The following SYT16 variants were observed in gnomAD, a reference collection of about 807,000 sequenced individuals.
SYT16 encodes synaptotagmin-16.
In SYT16, 42 loss-of-function variants were observed where a neutral mutation model predicts 61.4. That is an observed-to-expected ratio of 0.68 (90% CI 0.53 to 0.89). The LOEUF (loss-of-function observed/expected upper bound fraction) is 0.89. Among genes scored for constraint, SYT16 ranks in the 40% least tolerant of loss-of-function variants. The pLI is 0.00. For missense variants in SYT16, 804 were observed against 807.3 expected, an observed-to-expected ratio of 1.00 and a Z score of 0.05; for synonymous variants, 314 against 302.3, an observed-to-expected ratio of 1.04 and a Z score of -0.40.
intron 3 of SYT16, among the ~76,000 whole-genome samples, chr14:61,999,527 A>G (rs1400345629): frequency 6.6e-6 from 1 of 151,614 alleles, no homozygotes; most frequent in Non-Finnish European, 1.5e-5. Context: ...TTATTTGTCT[A>G]TCCACCTACC....
intron 1 of SYT16, among the ~76,000 whole-genome samples, chr14:61,817,857 T>C (rs1242517513): frequency 1.3e-5 from 2 of 152,212 alleles, no homozygotes; most frequent in African/African-American, 2.4e-5. Flanking sequence ...AAAAAGGATA[T>C]ATGCATGTAT....
rs1309600379 is a variant in SYT16 at position 61,823,384 on chromosome 14, T to C, written c.-325+10574T>C. Among the ~76,000 whole-genome samples, 6 of 151,928 alleles carry C rather than the reference T, an allele frequency of 3.9e-5. No homozygotes were observed. The South Asian group carries it at 1.2e-3, about 32-fold the overall frequency. On this transcript the variant is annotated intron_variant, in intron 1 of 7. Coordinates refer to ENST00000683842, the MANE Select transcript of SYT16 (RefSeq NM_001367656.1). ...GTAAAGTTTTAATATGCTTATGTTG[T>C]ATACTCTTAATGATTTTATCCACTT...
At chr14:61,862,444 A>G (rs1428454323) in intron 1 of SYT16, among the ~76,000 whole-genome samples, 1 of 152,182 alleles carries the variant, frequency 6.6e-6, no homozygotes, top group African/African-American at 2.4e-5. Flanking sequence ...GTGTGCATCA[A>G]TGTTTATTCC....
chr14:62,084,150 T>C (rs950121963), intron 6 of SYT16, 46 bp from the exon 7 acceptor site: 1 of 1,576,406 alleles, frequency 6.3e-7, no homozygotes, highest in South Asian at 1.2e-5. Context: ...TAAAAGAGAG[T>C]AGTGCAGCGT....
chr14:62,094,360 A>G (rs2057192953), intron 7 of SYT16, among the ~76,000 whole-genome samples: 1 of 152,004 alleles, frequency 6.6e-6, no homozygotes, highest in Non-Finnish European at 1.5e-5. Context: ...TTCTTTCCCA[A>G]GCTTAACTTT....
Position 62,100,454 on chromosome 14 carries a change from C to A in SYT16, c.1685C>A (p.Thr562Lys). ...GGTCAAGAGATGTCCCGTTGCAAGA[C>A]GTCCATTCGGCGTGGTCAGCCCAAT... is the stretch of plus-strand genomic sequence containing the variant. Reference protein sequence around the residue: ...SVGQEMSRCKTSIRRGQPNPV... With the variant: ...SVGQEMSRCKKSIRRGQPNPV... The change falls in exon 8 of 8, where the codon ACG (threonine) becomes AAG (lysine). Residue 562 changes from threonine (T) to lysine (K), a missense_variant. Transcript: ENST00000683842. 1 of 1,613,310 alleles carries A rather than the reference C, an allele frequency of 6.2e-7. No individual in the cohort carries two copies. The highest frequency in any genetic ancestry group is 8.5e-7 in the Non-Finnish European group (1 of 1,179,622).
chr14:61,878,514 C>G (rs2047583015), intron 1 of SYT16, among the ~76,000 whole-genome samples: 2 of 152,180 alleles, frequency 1.3e-5, no homozygotes, highest in African/African-American at 4.8e-5. Context: ...GCCATGAAAT[C>G]AATCTCTGGG....
chr14:62,085,534 CA>C (rs1221795988), intron 7 of SYT16, among the ~76,000 whole-genome samples: 1 of 152,190 alleles, frequency 6.6e-6, no homozygotes, highest in Non-Finnish European at 1.5e-5. Flanking sequence ...CAGGTATCAG[CA>C]GCAGGTGAAG....
At chr14:61,943,664 CT>C (rs2050301467) in intron 1 of SYT16, among the ~76,000 whole-genome samples, 1 of 152,070 alleles carries the variant, frequency 6.6e-6, no homozygotes, top group Non-Finnish European at 1.5e-5. Flanking sequence ...CAGAAAAGGC[CT>C]TCAATAAAAT....
intron 1 of SYT16, among the ~76,000 whole-genome samples, chr14:61,953,073 C>G (rs1247237951): frequency 6.6e-6 from 1 of 152,110 alleles, no homozygotes; most frequent in African/African-American, 2.4e-5. Flanking sequence ...GTTCTAGAAG[C>G]ATCACATAGC....
At chr14:61,918,346 A>C (rs1206159293) in intron 1 of SYT16, among the ~76,000 whole-genome samples, 1 of 152,166 alleles carries the variant, frequency 6.6e-6, no homozygotes, top group Non-Finnish European at 1.5e-5. Context: ...CAGAGCATCC[A>C]TGGGGCTAGG....
At chr14:62,056,498 C>T (rs1413287516) in intron 3 of SYT16, among the ~76,000 whole-genome samples, 2 of 152,178 alleles carry the variant, frequency 1.3e-5, no homozygotes, top group Non-Finnish European at 2.9e-5. Flanking sequence ...CTATAAAACT[C>T]CGTTTCCGGA....
chr14:61,957,362 A>C (rs1343894569), intron 1 of SYT16, among the ~76,000 whole-genome samples: 1 of 151,888 alleles, frequency 6.6e-6, no homozygotes, highest in African/African-American at 2.4e-5. Flanking sequence ...TGGAGCTCAT[A>C]GTATGGTCAT....
intron 2 of SYT16, among the ~76,000 whole-genome samples, chr14:61,981,855 G>C (rs1341846167): frequency 2.0e-5 from 3 of 152,118 alleles, no homozygotes; most frequent in Non-Finnish European, 4.4e-5. Flanking sequence ...AGTTTCCTTA[G>C]AAACAGATTC....
chr14:61,864,657 C>CA (rs1242599034), intron 1 of SYT16, among the ~76,000 whole-genome samples: 1 of 152,268 alleles, frequency 6.6e-6, no homozygotes. Context: ...GCGGTACTCT[C>CA]AGGCCCTTTT....
chr14:61,998,175 A>G (rs1312507812), intron 3 of SYT16, among the ~76,000 whole-genome samples: 7 of 151,994 alleles, frequency 4.6e-5, no homozygotes, highest in Admixed American at 2.6e-4. Flanking sequence ...ACTAACATTT[A>G]CACATACACA....
Position 61,952,143 on chromosome 14 carries a change from T to C in SYT16, c.-324-17989T>C, listed in dbSNP as rs536081981. Among the ~76,000 whole-genome samples, 709 of 152,290 alleles carry C rather than the reference T, an allele frequency of 4.7e-3. 3 individuals are homozygous for C. Among genetic ancestry groups the C allele is most frequent in the African/African-American group, 0.016 (672 of 41,556 alleles). ...TGATATTCATGCTGATTTTTTTTTT[T>C]TTTGGCAAATGACATAAATTGTACA... On this transcript the variant is annotated intron_variant, in intron 1 of 7. Coordinates refer to ENST00000683842, the MANE Select transcript of SYT16 (RefSeq NM_001367656.1).
At chr14:62,087,974 G>C (rs1319056912) in intron 7 of SYT16, among the ~76,000 whole-genome samples, 1 of 152,150 alleles carries the variant, frequency 6.6e-6, no homozygotes, top group African/African-American at 2.4e-5. Context: ...TGAAAAATTT[G>C]CACCAAGTAT....
At chr14:62,056,722 A>G (rs1347034276) in intron 3 of SYT16, among the ~76,000 whole-genome samples, 1 of 152,154 alleles carries the variant, frequency 6.6e-6, no homozygotes, top group African/African-American at 2.4e-5. Flanking sequence ...AGTCTTCACC[A>G]AATACCCATT....
Sources: allele counts gnomAD v4.1 joint callset (sites outside exome capture counted in the v4.1 genomes callset), GRCh38; gene constraint gnomAD v4.1.1; transcripts MANE v1.5; gene names NCBI Gene and HGNC (gene_info 2026-07-23, HGNC 2026-07-21).